Variants in GLIS3 observed in about 807,000 individuals in gnomAD.
The protein encoded by GLIS3 is zinc finger protein GLIS3.
A neutral mutation model predicts 78.6 loss-of-function variants in GLIS3; 53 were observed. That is an observed-to-expected ratio of 0.67 (90% CI 0.54 to 0.85). The LOEUF is 0.85. Ranked by LOEUF, GLIS3 falls within the 40% of genes least tolerant of loss-of-function variation. The pLI is 0.00. For missense variants in GLIS3, 1,703 were observed against 1,231.1 expected (o/e 1.38, Z -5.74); for synonymous variants, 684 against 509.9 (o/e 1.34, Z -4.60).
At chr9:4,426,043 G>C in the GLIS3 span, among the ~76,000 whole-genome samples, 4 of 152,194 alleles carry the variant, frequency 2.6e-5, no homozygotes, top group African/African-American at 9.6e-5. Context: ...AAACACATAC[G>C]TTCATGCAAT....
At chr9:4,045,009 A>C (rs989367832) in intron 4 of GLIS3, among the ~76,000 whole-genome samples, 1 of 152,196 alleles carries the variant, frequency 6.6e-6, no homozygotes, top group African/African-American at 2.4e-5. Context: ...GGCATAAAAA[A>C]CAAGGCAGAG....
intron 4 of GLIS3, among the ~76,000 whole-genome samples, chr9:3,944,418 TC>T (rs1402588831): frequency 2.0e-5 from 3 of 152,226 alleles, no homozygotes; most frequent in Non-Finnish European, 2.9e-5. Flanking sequence ...ATGGCCCTTC[TC>T]TAGCTATTCT....
chr9:4,365,388 T>C, the GLIS3 span, among the ~76,000 whole-genome samples: 2 of 151,924 alleles, frequency 1.3e-5, no homozygotes, highest in Non-Finnish European at 2.9e-5. Flanking sequence ...AAACCCCAAC[T>C]CTACTAAAAG....
intron 4 of GLIS3, among the ~76,000 whole-genome samples, chr9:3,988,294 A>G (rs1042498858): frequency 1.3e-5 from 2 of 152,350 alleles, no homozygotes; most frequent in East Asian, 1.9e-4. Context: ...ATCTTCCAAC[A>G]GAAAGGAAAT....
At chr9:4,060,564 A>G (rs1371778153) in intron 4 of GLIS3, among the ~76,000 whole-genome samples, 2 of 152,124 alleles carry the variant, frequency 1.3e-5, no homozygotes, top group African/African-American at 4.8e-5. Context: ...GGTGATTATG[A>G]GAGTATAACT....
chr9:3,874,550 C>T (rs1299169543), intron 8 of GLIS3, among the ~76,000 whole-genome samples: 2 of 152,184 alleles, frequency 1.3e-5, no homozygotes, highest in Admixed American at 6.5e-5. Flanking sequence ...GATGTACAGG[C>T]AAAATCACCC....
intron 2 of GLIS3, among the ~76,000 whole-genome samples, chr9:4,166,802 T>G (rs1815884560): frequency 6.6e-6 from 1 of 152,186 alleles, no homozygotes; most frequent in Non-Finnish European, 1.5e-5. Context: ...GACTCAAGAA[T>G]CACCTAAGGG....
chr9:4,350,824 T>A (rs1392003018), upstream of GLIS3, among the ~76,000 whole-genome samples: 1 of 152,202 alleles, frequency 6.6e-6, no homozygotes, highest in Non-Finnish European at 1.5e-5. Context: ...TGTTTTTGTT[T>A]GTTTTTGTTT....
intron 2 of GLIS3, among the ~76,000 whole-genome samples, chr9:4,247,048 C>T (rs1823867996): frequency 6.6e-6 from 1 of 152,176 alleles, no homozygotes; most frequent in African/African-American, 2.4e-5. Flanking sequence ...TTTTAAACCA[C>T]TCTGGGTTTT....
intron 2 of GLIS3, among the ~76,000 whole-genome samples, chr9:4,135,232 A>T (rs1833315525): frequency 6.6e-6 from 1 of 152,198 alleles, no homozygotes; most frequent in South Asian, 2.1e-4. Context: ...TTTTAAATTT[A>T]AAAATAATAT....
chr9:4,155,637 C>G (rs910595579), intron 2 of GLIS3, among the ~76,000 whole-genome samples: 1 of 152,068 alleles, frequency 6.6e-6, no homozygotes, highest in African/African-American at 2.4e-5. Context: ...TCAGAGAGTC[C>G]GAGCCAGGTA....
At chr9:4,476,172 T>C in the GLIS3 span, among the ~76,000 whole-genome samples, 39 of 152,324 alleles carry the variant, frequency 2.6e-4, no homozygotes, top group Non-Finnish European at 5.4e-4. Flanking sequence ...AATCCACTGA[T>C]GAACAAAATC....
At chr9:3,920,940 C>T (rs1261736919) in intron 6 of GLIS3, among the ~76,000 whole-genome samples, 1 of 152,134 alleles carries the variant, frequency 6.6e-6, no homozygotes, top group Non-Finnish European at 1.5e-5. Flanking sequence ...TTTTTCAAAG[C>T]TCAGTGATGT....
intron 4 of GLIS3, among the ~76,000 whole-genome samples, chr9:4,075,411 C>CAAAAAAAAAAAAAA (rs59194808): frequency 1.7e-5 from 2 of 118,192 alleles, no homozygotes; most frequent in East Asian, 2.7e-4. Context: ...ACTAAAAATA[C>CAAAAAAAAAAAAAA]AAAAAAAAAA....
At chr9:4,371,599 G>C in the GLIS3 span, among the ~76,000 whole-genome samples, 23 of 152,040 alleles carry the variant, frequency 1.5e-4, no homozygotes, top group Non-Finnish European at 3.1e-4. Flanking sequence ...CCTCCTTGCT[G>C]ATCTCTCACT....
intron 2 of GLIS3, among the ~76,000 whole-genome samples, chr9:4,200,214 A>T (rs557270764): frequency 6.6e-6 from 1 of 152,218 alleles, no homozygotes; most frequent in Non-Finnish European, 1.5e-5. Flanking sequence ...AAAGATCTCA[A>T]ATTAATGAAC....
chr9:4,320,532 ACTT>A (rs1817508946), intron 2 of GLIS3, among the ~76,000 whole-genome samples: 1 of 152,134 alleles, frequency 6.6e-6, no homozygotes, highest in African/African-American at 2.4e-5. Context: ...TGTAGATTTT[ACTT>A]CTTAAATATT....
chr9:4,129,914 T>A lies in GLIS3; in HGVS notation c.389-3973A>T, dbSNP rs556145534. ...ACTGCCCGAATTATGACCAAAATGC[T>A]GACAGTGATATGGACAGTGAAGTCC... is the stretch of plus-strand genomic sequence containing the variant. On this transcript the variant is annotated intron_variant, in intron 2 of 10. Transcript: ENST00000381971. Among the ~76,000 whole-genome samples, 64 of 152,278 alleles carry A rather than the reference T, an allele frequency of 4.2e-4. 2 individuals are homozygous for A. The highest frequency in any genetic ancestry group is 5.2e-4 in the Admixed American group (8 of 15,294).
rs144850188 is a variant in GLIS3 at position 3,889,752 on chromosome 9, A to G, written c.2128+8939T>C. ...AGGCAATGTTCACATTCTTCAGGCA[A>G]CTGTTCTCACCTAAAGGCTAATAAC... On this transcript the variant is annotated intron_variant, in intron 7 of 10. Coordinates refer to ENST00000381971, the MANE Select transcript of GLIS3 (RefSeq NM_001042413.2). 1.4e-3 allele frequency among the ~76,000 whole-genome samples: 215 copies of G among 152,316 alleles called. 1 individual carries two copies. Among genetic ancestry groups the G allele is most frequent in the African/African-American group, 4.9e-3 (202 of 41,574 alleles).
Sources: allele counts gnomAD v4.1 joint callset (sites outside exome capture counted in the v4.1 genomes callset), GRCh38; gene constraint gnomAD v4.1.1; transcripts MANE v1.5; gene names NCBI Gene and HGNC (gene_info 2026-07-23, HGNC 2026-07-21).